FAM219A: variants seen among roughly 807,000 people sequenced by gnomAD.
FAM219A encodes the protein protein FAM219A.
In FAM219A, 7 loss-of-function variants were observed where a neutral mutation model predicts 23.4. The ratio of observed to expected loss-of-function variants is 0.30; its 90% CI spans 0.17 to 0.56. The LOEUF (loss-of-function observed/expected upper bound fraction) is 0.56. FAM219A is among the 20% of genes least tolerant of loss of function. The probability of loss-of-function intolerance (pLI) is 0.92; values close to 1 mark genes in which losing one functional copy is unlikely to be tolerated. For synonymous variants in FAM219A, 93 were observed against 99.0 expected, an observed-to-expected ratio of 0.94 and a Z score of 0.36; for missense variants, 166 against 246.9, an observed-to-expected ratio of 0.67 and a Z score of 2.20.
At chr9:34,420,999 T>TGAGAGA (rs1822252757) in intron 1 of FAM219A, among the ~76,000 whole-genome samples, 1 of 66,222 alleles carries the variant, frequency 1.5e-5, no homozygotes, top group Admixed American at 1.5e-4. Flanking sequence ...TGTATGTGTG[T>TGAGAGA]GTGTGTGTGT....
chr9:34,441,877 C>T (rs996670973), intron 1 of FAM219A, among the ~76,000 whole-genome samples: 1 of 152,044 alleles, frequency 6.6e-6, no homozygotes, highest in Non-Finnish European at 1.5e-5. Context: ...GTGCATGCCA[C>T]GATGCCTAAT....
At position 34,416,294 on chromosome 9, in the gene FAM219A, G is replaced by C. The variant is rs188389139; in HGVS notation, c.61-10330C>G. The stretch of plus-strand genomic sequence containing the variant: ...GGGAGGGAAGGAAGGAAGGAAGGAA[G>C]GAAGGAAGGAAGGAACGAAGGAAGG... On this transcript the variant is annotated intron_variant, in intron 1 of 5. Transcript: ENST00000651358. Among the ~76,000 whole-genome samples the C allele has an allele frequency of 6.9e-5, 10 of 145,124 alleles. No homozygotes were observed. The South Asian group carries it at 1.5e-3, about 22-fold the overall frequency.
In FAM219A at chr9:34,398,689, A is replaced by T. The variant is rs895446284; in HGVS notation, c.*2275T>A. The T allele has an allele frequency of 6.1e-5, 19 of 313,608 alleles. No individual in the cohort carries two copies. The highest frequency in any genetic ancestry group is 3.9e-4 in the African/African-American group (19 of 48,210). The allele number at this position is 313,608 out of a possible 1,614,324, so 19.4% of individuals were successfully genotyped here. ...AAGGCAGCAGTCTAAATGAGCCCCCAAAAAGAGGAGGTACCCATGTTCTAG... is the reference window on the plus strand; with the variant it reads ...AAGGCAGCAGTCTAAATGAGCCCCCTAAAAGAGGAGGTACCCATGTTCTAG... On this transcript the variant is annotated 3_prime_UTR_variant, in exon 6 of 6. Transcript: ENST00000651358.
At chr9:34,401,168 A>G (rs752021609) in intron 5 of FAM219A, 46 bp from the exon 6 acceptor site, 1 of 1,600,584 alleles carries the variant, frequency 6.2e-7, no homozygotes, top group Non-Finnish European at 8.5e-7. Flanking sequence ...GCAGGGAGGC[A>G]CCACCCACAG....
In FAM219A at chr9:34,400,863, C is replaced by A; in HGVS notation, c.*101G>T. The A allele has an allele frequency of 7.8e-7, 1 of 1,278,538 alleles. No homozygotes were observed. The allele number at this position is 1,278,538 out of a possible 1,614,324, so 79.2% of individuals were successfully genotyped here. On this transcript the variant is annotated 3_prime_UTR_variant, in exon 6 of 6. Transcript: ENST00000651358. ...TACGAGGTTGGCGGCTGTAGGGGCG[C>A]GGGGCCGGGGGCAGGCAGACGAGCT...
Position 34,458,224 on chromosome 9 carries a change from G to A in FAM219A, c.40C>T (p.His14Tyr), listed in dbSNP as rs1251944928. ...EIDRFQVPTA[H>Y]SEMQPLDPAA... ...CTCACCAGCGGCTGCATCTCCGAGT[G>A]CGCGGTGGGCACCTGGAACCGGTCG... Residue 14 changes from histidine to tyrosine, a missense_variant, in exon 1 of 6, where the codon CAC becomes TAC. This residue lies in a region of FAM219A where 89 missense variants were observed against 98.8 expected (regional missense o/e 0.90). Transcript: ENST00000651358. The surrounding 1 kb of genome is among the most constrained non-coding windows in gnomAD (Gnocchi z 6.6). The A allele has an allele frequency of 6.3e-7, 1 of 1,590,184 alleles. No homozygotes were observed. Among genetic ancestry groups the A allele is most frequent in the Middle Eastern group, 1.8e-4 (1 of 5,442 alleles).
intron 1 of FAM219A, among the ~76,000 whole-genome samples, chr9:34,414,198 A>C (rs1359739005): frequency 6.6e-6 from 1 of 152,234 alleles, no homozygotes; most frequent in Non-Finnish European, 1.5e-5. Flanking sequence ...AGCCTAAAGC[A>C]TTCCCATCTT....
chr9:34,402,257 T>C (rs1309503204), intron 4 of FAM219A, 130 bp downstream of exon 4: 1 of 1,612,646 alleles, frequency 6.2e-7, no homozygotes, highest in African/African-American at 1.3e-5. Flanking sequence ...CCTGGAGAAT[T>C]CACCCTTGGA....
intron 1 of FAM219A, among the ~76,000 whole-genome samples, chr9:34,415,170 G>A (rs928393703): frequency 7.9e-5 from 12 of 151,632 alleles, no homozygotes; most frequent in Admixed American, 5.9e-4. Flanking sequence ...CCCCAGTTGG[G>A]AAAACACTCT....
chr9:34,448,335 T>A (rs1397324893), intron 1 of FAM219A, among the ~76,000 whole-genome samples: 1 of 152,226 alleles, frequency 6.6e-6, no homozygotes, highest in African/African-American at 2.4e-5. Context: ...ATACTAGAAC[T>A]GTTGTTCCCC....
intron 1 of FAM219A, among the ~76,000 whole-genome samples, chr9:34,439,204 AG>A (rs1290037784): frequency 2.0e-5 from 3 of 152,238 alleles, no homozygotes; most frequent in Non-Finnish European, 4.4e-5. Flanking sequence ...ACTCACCGCG[AG>A]GGTCCGCGGC....
At chr9:34,422,908 G>A (rs1822332167) in intron 1 of FAM219A, among the ~76,000 whole-genome samples, 1 of 152,174 alleles carries the variant, frequency 6.6e-6, no homozygotes, top group South Asian at 2.1e-4. Flanking sequence ...GCTCACACCT[G>A]TAATCCCAGC....
chr9:34,420,290 G>A (rs1343641099), intron 1 of FAM219A, among the ~76,000 whole-genome samples: 1 of 152,190 alleles, frequency 6.6e-6, no homozygotes, highest in Non-Finnish European at 1.5e-5. Context: ...CATGGAGGGT[G>A]GTAGGAGCAC....
chr9:34,458,117 C>G lies in FAM219A; in HGVS notation c.60+87G>C. The G allele has an allele frequency of 7.5e-7, 1 of 1,331,132 alleles. No individual in the cohort carries two copies. Among genetic ancestry groups the G allele is most frequent in the Non-Finnish European group, 1.0e-6 (1 of 995,364 alleles). 82.5% of individuals were successfully genotyped at this position (1,331,132 alleles called of 1,614,324 possible). On this transcript the variant is annotated intron_variant, in intron 1 of 5. Coordinates refer to ENST00000651358, the MANE Select transcript of FAM219A (RefSeq NM_001184940.2). This position sits in a 1 kb window ranked among gnomAD's most constrained non-coding sequence, Gnocchi z 6.6. ...CTTTGCCCCATCCGATGGCGCCCCTCCGCACGATCCCCCCGGCCTGATTCC... is the reference window on the plus strand; with the variant it reads ...CTTTGCCCCATCCGATGGCGCCCCTGCGCACGATCCCCCCGGCCTGATTCC...
intron 1 of FAM219A, among the ~76,000 whole-genome samples, chr9:34,419,857 G>A (rs1424358104): frequency 6.6e-6 from 1 of 152,172 alleles, no homozygotes; most frequent in African/African-American, 2.4e-5. Flanking sequence ...GGACCAACTT[G>A]TCTGCAATGG....
intron 1 of FAM219A, among the ~76,000 whole-genome samples, chr9:34,441,792 C>T (rs542201651): frequency 2.6e-5 from 4 of 152,194 alleles, no homozygotes; most frequent in South Asian, 2.1e-4. Flanking sequence ...TACAGTGGCA[C>T]GATCATGGCT....
At chr9:34,421,825 T>C (rs1408155317) in intron 1 of FAM219A, among the ~76,000 whole-genome samples, 5 of 152,206 alleles carry the variant, frequency 3.3e-5, no homozygotes, top group African/African-American at 9.6e-5. Context: ...TTAATGTGCA[T>C]AGAAATCATC....
chr9:34,414,804 C>A (rs1821940560), intron 1 of FAM219A, among the ~76,000 whole-genome samples: 1 of 152,214 alleles, frequency 6.6e-6, no homozygotes, highest in East Asian at 1.9e-4. Context: ...CCCAAATCTT[C>A]TAAGTTTTTC....
chr9:34,406,591 G>T, intron 1 of FAM219A: 1 of 579,908 alleles, frequency 1.7e-6, no homozygotes, highest in Non-Finnish European at 2.2e-6. Context: ...GCTAGGTACA[G>T]TAGGTGAGAA....
Sources: allele counts gnomAD v4.1 joint callset (sites outside exome capture counted in the v4.1 genomes callset), GRCh38; gene constraint gnomAD v4.1.1; regional missense constraint gnomAD v4.1.1; non-coding constraint Gnocchi (gnomAD v3.1); transcripts MANE v1.5; gene names NCBI Gene and HGNC (gene_info 2026-07-23, HGNC 2026-07-21).